The following CYP39A1 variants were observed in gnomAD, a reference collection of about 807,000 sequenced individuals.
CYP39A1 encodes cytochrome P450 family 39 subfamily A member 1.
CYP39A1 carries 49 observed loss-of-function variants against 58.1 expected under a neutral mutation model. The ratio of observed to expected loss-of-function variants is 0.84; its 90% CI spans 0.67 to 1.07. The LOEUF (loss-of-function observed/expected upper bound fraction) is 1.07. Among genes scored for constraint, CYP39A1 ranks in the 50% least tolerant of loss-of-function variants. CYP39A1 has a pLI of 0.00. For missense variants in CYP39A1, 531 were observed against 539.4 expected, an observed-to-expected ratio of 0.98 and a Z score of 0.16; for synonymous variants, 209 against 187.6, an observed-to-expected ratio of 1.11 and a Z score of -0.93.
At chr6:46,601,784 G>A (rs1773524085) in intron 7 of CYP39A1, among the ~76,000 whole-genome samples, 1 of 151,570 alleles carries the variant, frequency 6.6e-6, no homozygotes, top group South Asian at 2.1e-4. Flanking sequence ...GCCTCCCAAA[G>A]TGTTGGGATT....
Position 46,550,300 on chromosome 6 carries a change from G to C in CYP39A1, c.*66C>G, listed in dbSNP as rs1770318594. On this transcript the variant is annotated 3_prime_UTR_variant, in exon 12 of 12. Transcript: ENST00000275016. ...TGTGTTTTTGTAGAGCTCAGGTCTA[G>C]GTGCTGCCAGGTGGGGTAGTGCCAC... 1 of 1,334,016 alleles carries C rather than the reference G, an allele frequency of 7.5e-7. No individual in the cohort carries two copies. Among genetic ancestry groups the C allele is most frequent in the South Asian group, 1.2e-5 (1 of 80,738 alleles). The allele number at this position is 1,334,016 out of a possible 1,614,324, so 82.6% of individuals were successfully genotyped here.
intron 10 of CYP39A1, 25 bp from the exon 11 acceptor site, chr6:46,553,879 AC>A (rs1345266932): frequency 1.4e-6 from 2 of 1,450,856 alleles, no homozygotes; most frequent in South Asian, 2.4e-5. Flanking sequence ...TAAAATTGTT[AC>A]TTGATTGTGA....
At chr6:46,600,207 C>A (rs1311663847) in intron 7 of CYP39A1, among the ~76,000 whole-genome samples, 1 of 151,988 alleles carries the variant, frequency 6.6e-6, no homozygotes, top group Non-Finnish European at 1.5e-5. Flanking sequence ...TGGCTCACTA[C>A]AACCTCTGAC....
chr6:46,604,494 G>A (rs1421245335), intron 7 of CYP39A1, among the ~76,000 whole-genome samples: 1 of 152,182 alleles, frequency 6.6e-6, no homozygotes, highest in African/African-American at 2.4e-5. Context: ...AAGCAGACAT[G>A]TCTTCTTTCA....
At chr6:46,622,445 A>G (rs906235361) in intron 7 of CYP39A1, among the ~76,000 whole-genome samples, 2 of 152,066 alleles carry the variant, frequency 1.3e-5, no homozygotes, top group East Asian at 3.9e-4. Flanking sequence ...CTCTGCCCCA[A>G]TGTCCCATTA....
At chr6:46,565,769 T>G (rs1294722421) in intron 10 of CYP39A1, among the ~76,000 whole-genome samples, 1 of 152,092 alleles carries the variant, frequency 6.6e-6, no homozygotes, top group African/African-American at 2.4e-5. Context: ...AGCACTGTCA[T>G]CACCCATGGC....
At chr6:46,594,368 A>G (rs1773017296) in intron 8 of CYP39A1, among the ~76,000 whole-genome samples, 1 of 152,136 alleles carries the variant, frequency 6.6e-6, no homozygotes, top group African/African-American at 2.4e-5. Flanking sequence ...ACCCTTGAAC[A>G]AAGAAAAAAC....
intron 7 of CYP39A1, among the ~76,000 whole-genome samples, chr6:46,610,547 G>A (rs2150548826): frequency 6.6e-6 from 1 of 152,192 alleles, no homozygotes; most frequent in Middle Eastern, 3.4e-3. Flanking sequence ...ATCTCACTAT[G>A]TTGCCCAGGC....
At chr6:46,557,779 A>C (rs1770732430) in intron 10 of CYP39A1, among the ~76,000 whole-genome samples, 1 of 151,494 alleles carries the variant, frequency 6.6e-6, no homozygotes, top group Non-Finnish European at 1.5e-5. Context: ...TCTACTAAAA[A>C]TACAAAAATT....
intron 7 of CYP39A1, among the ~76,000 whole-genome samples, chr6:46,606,550 A>T (rs1773856418): frequency 6.6e-6 from 1 of 152,138 alleles, no homozygotes. Context: ...AAAGGGCTAC[A>T]GTCTAATGGA....
chr6:46,582,625 G>A (rs1209368403), intron 10 of CYP39A1, among the ~76,000 whole-genome samples: 1 of 151,344 alleles, frequency 6.6e-6, no homozygotes, highest in Non-Finnish European at 1.5e-5. Flanking sequence ...AATTCTTATG[G>A]CAGTTGTTAC....
intron 6 of CYP39A1, among the ~76,000 whole-genome samples, chr6:46,627,493 A>G (rs1204670254): frequency 4.0e-5 from 6 of 151,192 alleles, no homozygotes; most frequent in Admixed American, 4.0e-4. Flanking sequence ...ATCTCGGCTC[A>G]CTGCAAGCTC....
rs537687421 is a variant in CYP39A1, at chr6:46,550,342, G to A, written c.*24C>T. 3 of 1,608,106 alleles carry A rather than the reference G, an allele frequency of 1.9e-6. No homozygotes were observed. In the East Asian group the frequency reaches 6.7e-5, roughly 36 times the overall value. On this transcript the variant is annotated 3_prime_UTR_variant, in exon 12 of 12. Coordinates refer to ENST00000275016, the MANE Select transcript of CYP39A1 (RefSeq NM_016593.5). ...TAGTGCCACTCCTCCAGAAGGCCCT[G>A]GTCCTTGTGAGGCCCAACAGATGTC... is the stretch of plus-strand genomic sequence containing the variant.
intron 1 of CYP39A1, among the ~76,000 whole-genome samples, chr6:46,647,825 GT>G (rs1011621930): frequency 6.6e-6 from 1 of 152,016 alleles, no homozygotes; most frequent in African/African-American, 2.4e-5. Flanking sequence ...TGATGGGGTT[GT>G]TTTTTTCTTG....
At chr6:46,631,333 T>G (rs578120150) in intron 5 of CYP39A1, among the ~76,000 whole-genome samples, 1 of 152,214 alleles carries the variant, frequency 6.6e-6, no homozygotes, top group Non-Finnish European at 1.5e-5. Context: ...TTGAACAAGC[T>G]ACTTTAATCT....
intron 1 of CYP39A1, among the ~76,000 whole-genome samples, chr6:46,645,166 C>A (rs1762240830): frequency 6.6e-6 from 1 of 152,060 alleles, no homozygotes; most frequent in Non-Finnish European, 1.5e-5. Context: ...ATCAGTTTTT[C>A]CTTTTATGAA....
chr6:46,620,647 G>C (rs892221308), intron 7 of CYP39A1, among the ~76,000 whole-genome samples: 2 of 150,148 alleles, frequency 1.3e-5, no homozygotes, highest in Non-Finnish European at 3.0e-5. Flanking sequence ...AAGCTGTCAT[G>C]TACACCCATC....
At chr6:46,618,208 T>C (rs1011471416) in intron 7 of CYP39A1, among the ~76,000 whole-genome samples, 42 of 152,088 alleles carry the variant, frequency 2.8e-4, no homozygotes, top group African/African-American at 8.4e-4. Flanking sequence ...GTTATATCCT[T>C]CTAATAACTT....
In CYP39A1 at chr6:46,639,538, C is replaced by T. The variant is rs1776196291; in HGVS notation, c.444G>A (p.Glu148=). 3 of 1,613,990 alleles carry T rather than the reference C, an allele frequency of 1.9e-6. No individual in the cohort carries two copies. Among genetic ancestry groups the T allele is most frequent in the Non-Finnish European group, 2.5e-6 (3 of 1,180,022 alleles). Residue 148 remains glutamate (E), a synonymous_variant, in exon 3 of 12, where the codon GAG becomes GAA. Transcript: ENST00000275016. ...CCATTGTCCCATGAGTGCCTAAATT[C>T]TCCAGTTGTTCATGTAATTCTTCAG... The part of the protein sequence containing the change: ...QLTEELHEQL[E]NLGTHGTMDL...
Sources: gnomAD v4.1 joint callset for allele counts (sites outside exome capture counted in the v4.1 genomes callset) on GRCh38, gnomAD v4.1.1 for gene constraint, MANE v1.5 for transcripts, NCBI Gene and HGNC (gene_info 2026-07-23, HGNC 2026-07-21) for gene names.